The following PLCL1 variants were observed in gnomAD, a reference collection of about 807,000 sequenced individuals.
The protein encoded by PLCL1 is phospholipase C like 1 (inactive), also known as inactive phospholipase C-like protein 1.
Under a neutral mutation model 84.4 loss-of-function variants are expected in PLCL1, and 41 were observed. The ratio of observed to expected loss-of-function variants is 0.49; its 90% CI spans 0.38 to 0.63. PLCL1 has a LOEUF of 0.63. PLCL1 is among the 30% of genes least tolerant of loss of function. The pLI, the probability that PLCL1 is intolerant of heterozygous loss-of-function variation, is 0.00. For synonymous variants in PLCL1, 490 were observed against 488.3 expected (o/e 1.00, Z -0.05); for missense variants, 1,206 against 1,367.8 (o/e 0.88, Z 1.87).
intron 1 of PLCL1, among the ~76,000 whole-genome samples, chr2:197,911,033 T>A (rs562077304): frequency 2.0e-5 from 3 of 152,300 alleles, no homozygotes; most frequent in Non-Finnish European, 1.5e-5. Flanking sequence ...ATTTTGGGTA[T>A]AATACACCTT....
At chr2:197,893,720 G>A (rs555047354) in intron 1 of PLCL1, among the ~76,000 whole-genome samples, 1 of 149,420 alleles carries the variant, frequency 6.7e-6, no homozygotes, top group South Asian at 2.1e-4. Context: ...AATGCTCTAG[G>A]GTAGCTGGGC....
rs117466353 is a variant in PLCL1, at chr2:197,812,005, T to C, written c.240+6666T>C. On this transcript the variant is annotated intron_variant, in intron 1 of 5. Coordinates refer to ENST00000428675, the MANE Select transcript of PLCL1 (RefSeq NM_006226.4). ...AGTAGTCCCCAGTATTTATTGTTCC[T>C]CTCTTTGTGTTCATGTGTATTTAGT... 3.2e-4 allele frequency among the ~76,000 whole-genome samples: 49 copies of C among 152,288 alleles called. 1 individual carries two copies. The East Asian group carries it at 8.3e-3, about 26-fold the overall frequency.
intron 1 of PLCL1, among the ~76,000 whole-genome samples, chr2:198,012,525 G>A (rs1481082146): frequency 1.3e-5 from 2 of 151,928 alleles, no homozygotes; most frequent in East Asian, 3.9e-4. Flanking sequence ...GCCAATATGT[G>A]TCTTTTAATT....
chr2:197,912,950 A>AT (rs1688516373), intron 1 of PLCL1, among the ~76,000 whole-genome samples: 3 of 114,260 alleles, frequency 2.6e-5, no homozygotes, highest in East Asian at 4.7e-4. Context: ...TTACAGTATA[A>AT]TAAAAAAAAA....
At chr2:198,012,387 T>G (rs987915860) in intron 1 of PLCL1, among the ~76,000 whole-genome samples, 1 of 152,122 alleles carries the variant, frequency 6.6e-6, no homozygotes, top group Admixed American at 6.6e-5. Flanking sequence ...AGAACTACAA[T>G]TGAGAAAGTG....
chr2:197,979,567 T>C lies in PLCL1; in HGVS notation c.241-104191T>C, dbSNP rs201515918. ...GAATCATCTCTGGTGGGGCCACTTC[T>C]CTGCTTACGCACATTTTCTGATTTC... is the stretch of plus-strand genomic sequence containing the variant. On this transcript the variant is annotated intron_variant, in intron 1 of 5. Coordinates refer to ENST00000428675, the MANE Select transcript of PLCL1 (RefSeq NM_006226.4). Among the ~76,000 whole-genome samples, 16 of 152,356 alleles carry C rather than the reference T, an allele frequency of 1.1e-4. 1 individual carries two copies. The East Asian group carries it at 3.1e-3, about 29-fold the overall frequency.
rs1694527330 is a variant in PLCL1 at position 198,146,782 on chromosome 2, C to T, written c.3108C>T (p.Gly1036=). 6 of 1,610,366 alleles carry T rather than the reference C, an allele frequency of 3.7e-6. No individual in the cohort carries two copies. The highest frequency in any genetic ancestry group is 4.2e-6 in the Non-Finnish European group (5 of 1,178,336). Residue 1036 remains glycine, a splice_region_variant and synonymous_variant, in exon 6 of 6, where the codon GGC becomes GGT. Coordinates refer to ENST00000428675, the MANE Select transcript of PLCL1 (RefSeq NM_006226.4). ...SFAWNITVLK[G]QGDLLKNAKN... is the part of the protein sequence containing the mutation. ...TGCCTGTTTTTTTCTGTTTGTAGGG[C>T]CAAGGAGATCTGTTGAAGAATGCCA... is the stretch of plus-strand genomic sequence containing the variant.
chr2:197,893,258 T>G (rs567672565), intron 1 of PLCL1, among the ~76,000 whole-genome samples: 180 of 152,278 alleles, frequency 1.2e-3, no homozygotes, highest in African/African-American at 4.1e-3. Flanking sequence ...ATTTGAACCT[T>G]TTTGCTTCAA....
intron 3 of PLCL1, among the ~76,000 whole-genome samples, chr2:198,090,561 T>C (rs749670646): frequency 2.0e-5 from 3 of 152,188 alleles, no homozygotes; most frequent in African/African-American, 4.8e-5. Context: ...CCACAGGGCA[T>C]GTTCTGCTTA....
intron 5 of PLCL1, among the ~76,000 whole-genome samples, chr2:198,107,358 C>T (rs1693501108): frequency 6.6e-6 from 1 of 151,902 alleles, no homozygotes; most frequent in African/African-American, 2.4e-5. Flanking sequence ...CAAACCATAT[C>T]AGTCCCATTG....
chr2:197,985,170 C>A (rs545741355), intron 1 of PLCL1, among the ~76,000 whole-genome samples: 24 of 152,286 alleles, frequency 1.6e-4, no homozygotes, highest in Admixed American at 1.4e-3. Flanking sequence ...TGAAATCCTA[C>A]TAGCTGTGTA....
At chr2:198,114,960 G>T (rs1165138238) in intron 5 of PLCL1, among the ~76,000 whole-genome samples, 2 of 151,834 alleles carry the variant, frequency 1.3e-5, no homozygotes, top group East Asian at 1.9e-4. Flanking sequence ...TGTGATAGGG[G>T]AACTATTGTA....
chr2:198,124,369 T>C (rs368768471), intron 5 of PLCL1, among the ~76,000 whole-genome samples: 60 of 152,278 alleles, frequency 3.9e-4, no homozygotes, highest in Admixed American at 2.2e-3. Context: ...CTAATTAGCA[T>C]GATGGTCAGT....
intron 1 of PLCL1, among the ~76,000 whole-genome samples, chr2:197,947,865 A>C (rs950307038): frequency 2.6e-5 from 4 of 152,170 alleles, no homozygotes; most frequent in Non-Finnish European, 5.9e-5. Flanking sequence ...GCAAAGGCTG[A>C]GAATGATGGA....
chr2:198,037,678 A>AT (rs1288917364), intron 1 of PLCL1, among the ~76,000 whole-genome samples: 1 of 152,138 alleles, frequency 6.6e-6, no homozygotes, highest in Non-Finnish European at 1.5e-5. Flanking sequence ...GTCAATTGAG[A>AT]TTTTTTCCAA....
intron 1 of PLCL1, among the ~76,000 whole-genome samples, chr2:197,855,791 C>T (rs1687321166): frequency 6.6e-6 from 1 of 152,114 alleles, no homozygotes; most frequent in Non-Finnish European, 1.5e-5. Flanking sequence ...TCACCTGAAT[C>T]CTGATTCAGA....
chr2:198,047,416 T>C (rs1282028948), intron 1 of PLCL1, among the ~76,000 whole-genome samples: 3 of 152,124 alleles, frequency 2.0e-5, no homozygotes, highest in Non-Finnish European at 4.4e-5. Context: ...TCTCTTGATC[T>C]TGTGACCCGC....
intron 1 of PLCL1, among the ~76,000 whole-genome samples, chr2:197,888,613 A>G (rs991544867): frequency 4.6e-5 from 7 of 152,234 alleles, no homozygotes; most frequent in African/African-American, 1.7e-4. Flanking sequence ...ATTTAGTGAC[A>G]TCATGCATGT....
chr2:198,038,916 CAG>C (rs1691602311), intron 1 of PLCL1, among the ~76,000 whole-genome samples: 2 of 147,970 alleles, frequency 1.4e-5, no homozygotes, highest in South Asian at 4.3e-4. Context: ...ATACCAGAAA[CAG>C]AGCTGTAAGA....
Sources: gnomAD v4.1 joint callset for allele counts (sites outside exome capture counted in the v4.1 genomes callset) on GRCh38, gnomAD v4.1.1 for gene constraint, MANE v1.5 for transcripts, NCBI Gene and HGNC (gene_info 2026-07-23, HGNC 2026-07-21) for gene names.